Variants in CCSER1 observed in about 807,000 individuals in gnomAD.
CCSER1 encodes serine-rich coiled-coil domain-containing protein 1.
CCSER1 carries 41 observed loss-of-function variants against 82.0 expected under a neutral mutation model. That is an observed-to-expected ratio of 0.50 (90% CI 0.39 to 0.65). The LOEUF is 0.65. CCSER1 is among the 30% of genes least tolerant of loss of function. The pLI is 0.00. For synonymous variants in CCSER1, 414 were observed against 383.9 expected, an observed-to-expected ratio of 1.08 and a Z score of -0.92; for missense variants, 1,119 against 1,064.2, an observed-to-expected ratio of 1.05 and a Z score of -0.72.
intron 9 of CCSER1, among the ~76,000 whole-genome samples, chr4:90,949,773 A>C (rs1214284856): frequency 1.3e-5 from 2 of 152,072 alleles, no homozygotes; most frequent in Non-Finnish European, 2.9e-5. Flanking sequence ...TAATGATTCT[A>C]AGTAGCAGAC....
At chr4:91,217,718 A>G (rs1007156867) in intron 10 of CCSER1, among the ~76,000 whole-genome samples, 2 of 151,288 alleles carry the variant, frequency 1.3e-5, no homozygotes, top group Admixed American at 6.6e-5. Context: ...CGATTGGTGT[A>G]TTTACAATCC....
chr4:90,483,684 A>C (rs1389586271), intron 5 of CCSER1, among the ~76,000 whole-genome samples: 1 of 152,188 alleles, frequency 6.6e-6, no homozygotes, highest in African/African-American at 2.4e-5. Context: ...TTTCTTTAAG[A>C]ATGTTGAATA....
chr4:90,619,397 G>A (rs1482665638), intron 5 of CCSER1, among the ~76,000 whole-genome samples: 1 of 152,008 alleles, frequency 6.6e-6, no homozygotes, highest in Non-Finnish European at 1.5e-5. Context: ...GATGATTTAT[G>A]TTGTTTATAT....
intron 10 of CCSER1, among the ~76,000 whole-genome samples, chr4:91,527,024 A>G (rs1050687169): frequency 1.8e-4 from 26 of 146,522 alleles, no homozygotes; most frequent in Non-Finnish European, 1.5e-4. Flanking sequence ...AAAAGAAGTA[A>G]TGACAATGGA....
At chr4:90,819,789 G>T (rs779120577) in intron 8 of CCSER1, among the ~76,000 whole-genome samples, 8 of 152,124 alleles carry the variant, frequency 5.3e-5, no homozygotes, top group African/African-American at 9.7e-5. Context: ...AAATATTTAT[G>T]CATTACTTAC....
At chr4:91,331,419 T>A (rs1323648563) in intron 10 of CCSER1, among the ~76,000 whole-genome samples, 1 of 152,136 alleles carries the variant, frequency 6.6e-6, no homozygotes, top group African/African-American at 2.4e-5. Flanking sequence ...GCTTAAAAGA[T>A]CTGGCTCCAC....
chr4:91,285,850 C>T (rs1426937403), intron 10 of CCSER1, among the ~76,000 whole-genome samples: 1 of 151,706 alleles, frequency 6.6e-6, no homozygotes, highest in Non-Finnish European at 1.5e-5. Flanking sequence ...GGAATGAATG[C>T]TTTTTTTCTA....
intron 10 of CCSER1, among the ~76,000 whole-genome samples, chr4:91,534,979 A>T (rs1343636269): frequency 6.6e-6 from 1 of 151,836 alleles, no homozygotes; most frequent in Non-Finnish European, 1.5e-5. Flanking sequence ...TTAGCCTTTT[A>T]TAGACATTTT....
intron 1 of CCSER1, among the ~76,000 whole-genome samples, chr4:90,178,220 A>G (rs1236493353): frequency 6.6e-6 from 1 of 152,186 alleles, no homozygotes; most frequent in East Asian, 1.9e-4. Flanking sequence ...AATTTAGAGC[A>G]TAAACAAAGT....
chr4:90,139,501 T>C (rs773191495), intron 1 of CCSER1, among the ~76,000 whole-genome samples: 2 of 152,236 alleles, frequency 1.3e-5, no homozygotes, highest in East Asian at 1.9e-4. Flanking sequence ...TTTCCTGTTT[T>C]ATTTTATTTT....
intron 4 of CCSER1, among the ~76,000 whole-genome samples, chr4:90,419,263 A>G (rs961156335): frequency 3.3e-5 from 5 of 151,926 alleles, no homozygotes; most frequent in Admixed American, 1.3e-4. Flanking sequence ...TTCAAAAGGG[A>G]TACAATACCT....
At chr4:90,281,286 G>T (rs1728805789) in intron 1 of CCSER1, among the ~76,000 whole-genome samples, 1 of 151,968 alleles carries the variant, frequency 6.6e-6, no homozygotes, top group African/African-American at 2.4e-5. Flanking sequence ...AGACATTGGG[G>T]CCTATTTAAA....
chr4:90,575,613 C>A (rs1476202454), intron 5 of CCSER1, among the ~76,000 whole-genome samples: 2 of 152,082 alleles, frequency 1.3e-5, no homozygotes, highest in Non-Finnish European at 2.9e-5. Context: ...TTAAATGTAC[C>A]GTCAATGTTA....
intron 8 of CCSER1, among the ~76,000 whole-genome samples, chr4:90,907,892 A>G (rs1237202446): frequency 6.6e-6 from 1 of 152,248 alleles, no homozygotes; most frequent in East Asian, 1.9e-4. Context: ...CATGTCATCA[A>G]TATTAACTTC....
chr4:91,398,901 G>A, intron 10 of CCSER1, among the ~76,000 whole-genome samples: 1 of 151,882 alleles, frequency 6.6e-6, no homozygotes, highest in East Asian at 1.9e-4. Context: ...TTGGACCAGT[G>A]TGCAGACCAG....
At chr4:91,303,225 G>C (rs757858263) in intron 10 of CCSER1, among the ~76,000 whole-genome samples, 1 of 151,956 alleles carries the variant, frequency 6.6e-6, no homozygotes, top group Non-Finnish European at 1.5e-5. Flanking sequence ...CTACCTGAAA[G>C]CAGTCTTATG....
chr4:91,568,822 A>G (rs972381413), intron 10 of CCSER1, among the ~76,000 whole-genome samples: 1 of 151,708 alleles, frequency 6.6e-6, no homozygotes, highest in Admixed American at 6.6e-5. Flanking sequence ...TTCTATCCAT[A>G]TTATGAATTC....
chr4:90,601,695 G>C (rs1415424339), intron 5 of CCSER1, among the ~76,000 whole-genome samples: 1 of 149,856 alleles, frequency 6.7e-6, no homozygotes, highest in Non-Finnish European at 1.5e-5. Flanking sequence ...GGTGTTTAGT[G>C]CTCCAACTTT....
At chr4:90,239,788 T>A (rs1468785174) in intron 1 of CCSER1, among the ~76,000 whole-genome samples, 1 of 152,190 alleles carries the variant, frequency 6.6e-6, no homozygotes, top group African/African-American at 2.4e-5. Context: ...TTCTGTATTT[T>A]TATTTGTTCT....
Sources: gnomAD v4.1 joint callset for allele counts (sites outside exome capture counted in the v4.1 genomes callset) on GRCh38, gnomAD v4.1.1 for gene constraint, MANE v1.5 for transcripts, NCBI Gene and HGNC (gene_info 2026-07-23, HGNC 2026-07-21) for gene names.